KIF26B: variants seen among roughly 807,000 people sequenced by gnomAD.
KIF26B encodes the protein kinesin-like protein KIF26B.
KIF26B carries 63 observed loss-of-function variants against 151.2 expected under a neutral mutation model. The ratio of observed to expected loss-of-function variants is 0.42; its 90% confidence interval spans 0.34 to 0.51. The LOEUF (loss-of-function observed/expected upper bound fraction) is 0.51. KIF26B is among the 20% of genes least tolerant of loss of function. The pLI, the probability that KIF26B is intolerant of heterozygous loss-of-function variation, is 0.07. For missense variants in KIF26B, 2,813 were observed against 2,913.6 expected (o/e 0.97, Z 0.79); for synonymous variants, 1,357 against 1,262.1 (o/e 1.08, Z -1.59).
chr1:245,367,365 C>A lies in KIF26B; in HGVS notation c.997C>A (p.Gln333Lys). ...RTNGVTLYPY[Q>K]ISQLMTESSR... ...CAACGGGGTCACCCTGTACCCATACCAGGTAAGTAGCCTGTGTGAGCCAGG... is the reference window on the plus strand; with the variant it reads ...CAACGGGGTCACCCTGTACCCATACAAGGTAAGTAGCCTGTGTGAGCCAGG... Residue 333 changes from glutamine (Q) to lysine (K), a missense_variant and splice_region_variant, in exon 3 of 15, where the codon CAG becomes AAG. Transcript: ENST00000407071. This position sits in a 1 kb window ranked among gnomAD's most constrained non-coding sequence, Gnocchi z 4.2. The A allele has an allele frequency of 1.9e-6, 3 of 1,584,084 alleles. No homozygotes were observed. Among genetic ancestry groups the A allele is most frequent in the East Asian group, 2.3e-5 (1 of 43,334 alleles).
At position 245,384,376 on chromosome 1, in the gene KIF26B, C is replaced by T. The variant is rs552582508; in HGVS notation, c.999+17009C>T. 3.9e-5 allele frequency among the ~76,000 whole-genome samples: 6 copies of T among 152,330 alleles called. No homozygotes were observed. In the South Asian group the frequency reaches 1.2e-3, roughly 32 times the overall value. Reference sequence around the variant, plus strand: ...AGGGCTTTGTGTGTCTTAATGCATTCAAGCTTCATAACATTCCTATGAAGT... The same window carrying T: ...AGGGCTTTGTGTGTCTTAATGCATTTAAGCTTCATAACATTCCTATGAAGT... On this transcript the variant is annotated intron_variant, in intron 3 of 14. Coordinates refer to ENST00000407071, the MANE Select transcript of KIF26B (RefSeq NM_018012.4).
At chr1:245,276,696 A>G (rs910693667) in intron 2 of KIF26B, among the ~76,000 whole-genome samples, 1 of 152,126 alleles carries the variant, frequency 6.6e-6, no homozygotes, top group African/African-American at 2.4e-5. Flanking sequence ...GATGCCATGA[A>G]TTTCCCTGCC....
chr1:245,690,168 A>C (rs1387326258), intron 12 of KIF26B, among the ~76,000 whole-genome samples: 3 of 152,116 alleles, frequency 2.0e-5, no homozygotes, highest in African/African-American at 7.2e-5. Flanking sequence ...ACCCCTGCTC[A>C]TCCTTTAAGG....
In KIF26B at chr1:245,704,046, C is replaced by A. The variant is rs2044808904; in HGVS notation, c.*1440C>A. 1 of 127,706 alleles carries A rather than the reference C, an allele frequency of 7.8e-6. No individual in the cohort carries two copies. The highest frequency in any genetic ancestry group is 1.6e-5 in the Non-Finnish European group (1 of 62,988). 7.9% of individuals were successfully genotyped at this position (127,706 alleles called of 1,614,324 possible). ...AACAATTCCCTTAGGAATTATGATA[C>A]CCATTTTAGTGATTGATAGAAACCT... On this transcript the variant is annotated 3_prime_UTR_variant, in exon 15 of 15. Coordinates refer to ENST00000407071, the MANE Select transcript of KIF26B (RefSeq NM_018012.4).
intron 2 of KIF26B, among the ~76,000 whole-genome samples, chr1:245,264,952 C>A (rs1670715160): frequency 6.6e-6 from 1 of 151,212 alleles, no homozygotes; most frequent in Non-Finnish European, 1.5e-5. Flanking sequence ...GTAATCCCAG[C>A]ACTTTGGGAG....
intron 2 of KIF26B, among the ~76,000 whole-genome samples, chr1:245,311,961 T>C (rs1671674099): frequency 6.6e-6 from 1 of 152,168 alleles, no homozygotes; most frequent in Admixed American, 6.6e-5. Flanking sequence ...ACCGTTTAAC[T>C]CAGAATCAGC....
chr1:245,428,986 G>A (rs1348741171), intron 4 of KIF26B, among the ~76,000 whole-genome samples: 1 of 150,460 alleles, frequency 6.6e-6, no homozygotes, highest in Admixed American at 6.6e-5. Flanking sequence ...GTGGGGGCGG[G>A]GGTGGGGGGC....
intron 2 of KIF26B, among the ~76,000 whole-genome samples, chr1:245,251,940 AT>A (rs1472356427): frequency 3.3e-5 from 5 of 152,084 alleles, no homozygotes; most frequent in Admixed American, 2.0e-4. Flanking sequence ...ATTGCTTGGA[AT>A]TTTTAGATTA....
intron 2 of KIF26B, among the ~76,000 whole-genome samples, chr1:245,342,190 T>A (rs1167561911): frequency 6.6e-6 from 1 of 152,196 alleles, no homozygotes; most frequent in African/African-American, 2.4e-5. Flanking sequence ...ACATTAGTAG[T>A]AGAATGTACC....
At chr1:245,403,539 G>GGT (rs139195169) in intron 3 of KIF26B, among the ~76,000 whole-genome samples, 5 of 151,934 alleles carry the variant, frequency 3.3e-5, no homozygotes, top group Admixed American at 6.6e-5. Context: ...GCAGTTCTGG[G>GGT]GTGTGTGTGT....
intron 9 of KIF26B, among the ~76,000 whole-genome samples, chr1:245,620,001 C>G (rs76075657): frequency 6.6e-6 from 1 of 151,844 alleles, no homozygotes. Flanking sequence ...CACCCAATTA[C>G]CTTTCACGTA....
In KIF26B at chr1:245,694,747, G is replaced by A. The variant is rs555399150; in HGVS notation, c.5825-3359G>A. Among the ~76,000 whole-genome samples, 44 of 152,326 alleles carry A rather than the reference G, an allele frequency of 2.9e-4. No homozygotes were observed. In the South Asian group the frequency reaches 8.3e-3, roughly 29 times the overall value. On this transcript the variant is annotated intron_variant, in intron 12 of 14. Transcript: ENST00000407071. Reference sequence around the variant, plus strand: ...GGCTCAGCCTCTGTTAGTGGGAGAGGTCCTGGTTGGAAGTTTCACTGAAGT... The same window carrying A: ...GGCTCAGCCTCTGTTAGTGGGAGAGATCCTGGTTGGAAGTTTCACTGAAGT...
At chr1:245,392,392 T>C (rs1471657431) in intron 3 of KIF26B, among the ~76,000 whole-genome samples, 1 of 152,228 alleles carries the variant, frequency 6.6e-6, no homozygotes, top group Admixed American at 6.5e-5. Context: ...AGCTGTGTAA[T>C]GTGGCTTTTC....
At chr1:245,472,252 C>T (rs1405081207) in intron 4 of KIF26B, among the ~76,000 whole-genome samples, 1 of 152,152 alleles carries the variant, frequency 6.6e-6, no homozygotes, top group Non-Finnish European at 1.5e-5. Flanking sequence ...AGCGCCTTGC[C>T]CGTGGGAGGT....
intron 2 of KIF26B, among the ~76,000 whole-genome samples, chr1:245,276,354 A>T (rs1670938747): frequency 6.6e-6 from 1 of 152,130 alleles, no homozygotes; most frequent in African/African-American, 2.4e-5. Context: ...TTCTCCCTGA[A>T]AAGCTAGAAC....
intron 4 of KIF26B, among the ~76,000 whole-genome samples, chr1:245,470,540 C>T (rs1659888257): frequency 6.6e-6 from 1 of 152,264 alleles, no homozygotes; most frequent in Non-Finnish European, 1.5e-5. Context: ...ACGCCATTCT[C>T]CTGCCTCAGC....
rs1251307692 is a variant in KIF26B at position 245,600,742 on chromosome 1, TG to T, written c.1351-1832del. Among the ~76,000 whole-genome samples the T allele has an allele frequency of 3.3e-5, 5 of 151,288 alleles. No individual in the cohort carries two copies. The East Asian group carries it at 7.9e-4, about 24-fold the overall frequency. On this transcript the variant is annotated intron_variant, in intron 5 of 14. Transcript: ENST00000407071. ...AACCCAGTGCTTTGGGAGGCAGAGG[TG>T]GGAGTTCAAGACAAGCCTGGGCCAT...
At position 245,375,625 on chromosome 1, in the gene KIF26B, C is replaced by G. The variant is rs899131245; in HGVS notation, c.999+8258C>G. On this transcript the variant is annotated intron_variant, in intron 3 of 14. Coordinates refer to ENST00000407071, the MANE Select transcript of KIF26B (RefSeq NM_018012.4). The surrounding 1 kb of genome is among the most constrained non-coding windows in gnomAD (Gnocchi z 4.2). ...AGCCCTGCAGGGCCATTTTTGAGTTCTGGTCTCCAGAACTTTAAGAGGGTA... is the reference window on the plus strand; with the variant it reads ...AGCCCTGCAGGGCCATTTTTGAGTTGTGGTCTCCAGAACTTTAAGAGGGTA... Among the ~76,000 whole-genome samples the G allele has an allele frequency of 9.9e-5, 15 of 152,108 alleles. No homozygotes were observed. The highest frequency in any genetic ancestry group is 3.4e-4 in the African/African-American group (14 of 41,412).
chr1:245,425,886 C>T (rs1165751171), intron 4 of KIF26B, among the ~76,000 whole-genome samples: 2 of 152,168 alleles, frequency 1.3e-5, no homozygotes, highest in African/African-American at 4.8e-5. Flanking sequence ...TCCAGTTCTG[C>T]CCTCAGACAT....
Sources: gnomAD v4.1 joint callset for allele counts (sites outside exome capture counted in the v4.1 genomes callset) on GRCh38, gnomAD v4.1.1 for gene constraint, Gnocchi (gnomAD v3.1) non-coding constraint, MANE v1.5 for transcripts, NCBI Gene and HGNC (gene_info 2026-07-23, HGNC 2026-07-21) for gene names.